Variants in VEZT observed in about 807,000 individuals in gnomAD.
VEZT encodes vezatin, adherens junctions transmembrane protein, also known as vezatin.
A neutral mutation model predicts 79.9 loss-of-function variants in VEZT; 39 were observed. The ratio of observed to expected loss-of-function variants is 0.49; its 90% CI spans 0.38 to 0.64. The LOEUF (loss-of-function observed/expected upper bound fraction) is 0.64. Ranked by LOEUF, VEZT falls within the 30% of genes least tolerant of loss-of-function variation. The pLI is 0.00. For missense variants in VEZT, 837 were observed against 893.1 expected (o/e 0.94, Z 0.80); for synonymous variants, 325 against 327.6 (o/e 0.99, Z 0.09).
chr12:95,225,679 C>T (rs2058332208), intron 1 of VEZT, among the ~76,000 whole-genome samples: 1 of 148,522 alleles, frequency 6.7e-6, no homozygotes, highest in South Asian at 2.1e-4. Flanking sequence ...ACCACACCTG[C>T]AGCTGTGTTA....
chr12:95,270,343 A>C (rs1337169189), intron 6 of VEZT, among the ~76,000 whole-genome samples, 155 bp downstream of exon 6: 1 of 152,232 alleles, frequency 6.6e-6, no homozygotes, highest in African/African-American at 2.4e-5. Context: ...CTGGAAATGC[A>C]TTCCTGGGGG....
chr12:95,277,424 G>C (rs7959433), intron 7 of VEZT, among the ~76,000 whole-genome samples: 16,825 of 151,400 alleles, frequency 0.11, 1,358 homozygotes, highest in African/African-American at 0.23. Context: ...AAACAATCAG[G>C]ATACATAAGT....
chr12:95,292,847 CTTTTT>C (rs1204643991), intron 9 of VEZT, among the ~76,000 whole-genome samples: 1 of 96,478 alleles, frequency 1.0e-5, no homozygotes, highest in Non-Finnish European at 1.9e-5. Context: ...GTACCTGGCC[CTTTTT>C]TTTTTTTTTT....
intron 3 of VEZT, 145 bp from the exon 4 acceptor site, chr12:95,262,761 C>T: frequency 3.1e-6 from 2 of 641,642 alleles, no homozygotes; most frequent in South Asian, 1.0e-4. Context: ...AGCTATCATA[C>T]TGAAGGTAGA....
rs569859841 is a variant in VEZT, at chr12:95,251,077, C to G, written c.37-863C>G. Among the ~76,000 whole-genome samples, 3 of 152,206 alleles carry G rather than the reference C, an allele frequency of 2.0e-5. No individual in the cohort carries two copies. The South Asian group carries it at 6.2e-4, about 32-fold the overall frequency. On this transcript the variant is annotated intron_variant, in intron 1 of 11. Coordinates refer to ENST00000436874, the MANE Select transcript of VEZT (RefSeq NM_017599.4). ...CCAGGCTGGAGTGCAGTGGCGTGAT[C>G]TCGGCTCACTGCAACCTTTGCCTCC... is the stretch of plus-strand genomic sequence containing the variant.
At chr12:95,254,503 C>T (rs1293800637) in intron 2 of VEZT, among the ~76,000 whole-genome samples, 1 of 152,096 alleles carries the variant, frequency 6.6e-6, no homozygotes. Flanking sequence ...CAGGCCACCA[C>T]GCCCAGCCAA....
chr12:95,224,557 C>T (rs1198584043), intron 1 of VEZT, among the ~76,000 whole-genome samples: 1 of 152,130 alleles, frequency 6.6e-6, no homozygotes, highest in African/African-American at 2.4e-5. Context: ...TGGGCTTTAC[C>T]ACCTATGAGA....
chr12:95,250,838 T>G (rs1286258075), intron 1 of VEZT, among the ~76,000 whole-genome samples: 1 of 151,944 alleles, frequency 6.6e-6, no homozygotes, highest in Admixed American at 6.6e-5. Context: ...GCTTACTATG[T>G]GGCAAGGACT....
In VEZT at chr12:95,266,543, G is replaced by A. The variant is rs750400254; in HGVS notation, c.621G>A (p.Met207Ile). Reference sequence around the variant, plus strand: ...AATACAGCGTTCATTTGGAAGATATGGCCACAAACAGCCGAGCTTTTACTA... The same window carrying A: ...AATACAGCGTTCATTTGGAAGATATAGCCACAAACAGCCGAGCTTTTACTA... ...LKKYSVHLED[M>I]ATNSRAFTNL... The change falls in exon 5 of 12, where the codon ATG becomes ATA. Residue 207 changes from methionine to isoleucine, a missense_variant. Met to Ile is a conservative substitution (Grantham distance 10). Transcript: ENST00000436874. The A allele has an allele frequency of 5.6e-6, 9 of 1,613,788 alleles. No homozygotes were observed. In the East Asian group the frequency reaches 1.1e-4, roughly 20 times the overall value.
chr12:95,235,456 G>A (rs1214335934), intron 1 of VEZT, among the ~76,000 whole-genome samples: 2 of 137,062 alleles, frequency 1.5e-5, no homozygotes, highest in Non-Finnish European at 3.2e-5. Context: ...GGCTGGCCGG[G>A]CAGAGGGGCT....
intron 9 of VEZT, 66 bp from the exon 10 acceptor site, chr12:95,294,206 G>C: frequency 1.5e-6 from 2 of 1,359,470 alleles, no homozygotes; most frequent in Non-Finnish European, 2.0e-6. Flanking sequence ...TTTTTAATTA[G>C]ATGTTCACTC....
At chr12:95,231,070 T>C (rs1462115283) in intron 1 of VEZT, among the ~76,000 whole-genome samples, 1 of 152,228 alleles carries the variant, frequency 6.6e-6, no homozygotes, top group East Asian at 1.9e-4. Flanking sequence ...TAAAAAATCT[T>C]AAGGTTACTC....
At chr12:95,254,193 A>G (rs1051709557) in intron 2 of VEZT, among the ~76,000 whole-genome samples, 3 of 151,596 alleles carry the variant, frequency 2.0e-5, no homozygotes, top group African/African-American at 4.8e-5. Context: ...ACCACTCACT[A>G]TGTTGCCCAG....
chr12:95,245,390 C>T (rs1170520017), intron 1 of VEZT: 1 of 401,680 alleles, frequency 2.5e-6, no homozygotes, highest in East Asian at 7.2e-5. Flanking sequence ...CAGAGCATAC[C>T]TAGAAAGTAC....
At chr12:95,240,008 GAA>G (rs2060730742) in intron 1 of VEZT, among the ~76,000 whole-genome samples, 1 of 135,818 alleles carries the variant, frequency 7.4e-6, no homozygotes, top group African/African-American at 2.8e-5. Flanking sequence ...GACAGAGAGA[GAA>G]AGAGAGAAAG....
intron 1 of VEZT, chr12:95,231,413 T>C (rs969993626): frequency 3.3e-5 from 5 of 152,120 alleles, no homozygotes; most frequent in Admixed American, 3.3e-4. Flanking sequence ...CAGTGGCCAT[T>C]TTGTACTGTG....
Position 95,274,706 on chromosome 12 carries a change from G to T in VEZT, c.849-36G>T, listed in dbSNP as rs780911005. 7 of 1,580,564 alleles carry T rather than the reference G, an allele frequency of 4.4e-6. No individual in the cohort carries two copies. The South Asian group carries it at 7.1e-5, about 16-fold the overall frequency. ...TTCACTGTATCTTTTATGCTTTCAT[G>T]AAAAGGCTTTGTTGATTGCCTTAAC... On this transcript the variant is annotated intron_variant, in intron 6 of 11. Transcript: ENST00000436874.
rs796773897 is a variant in VEZT, at chr12:95,302,473, T to C, written c.*1800T>C. ...TTGTTACATAATCCAGTGAAAACTC[T>C]ACTTGTTGAAATTATGACATAAAGA... is the stretch of plus-strand genomic sequence containing the variant. On this transcript the variant is annotated 3_prime_UTR_variant, in exon 12 of 12. Coordinates refer to ENST00000436874, the MANE Select transcript of VEZT (RefSeq NM_017599.4). 1.5e-4 allele frequency: 23 copies of C among 152,330 alleles called. No homozygotes were observed. Among genetic ancestry groups the C allele is most frequent in the African/African-American group, 5.0e-4 (21 of 41,596 alleles). The allele number at this position is 152,330 out of a possible 1,614,324, so 9.4% of individuals were successfully genotyped here. A position where few individuals can be genotyped will look rare whatever the true frequency, so the allele number is the denominator to read the frequency against.
At chr12:95,223,890 T>G (rs889273203) in intron 1 of VEZT, among the ~76,000 whole-genome samples, 1 of 152,206 alleles carries the variant, frequency 6.6e-6, no homozygotes, top group Non-Finnish European at 1.5e-5. Flanking sequence ...ATTTTTGTTC[T>G]GTTTTTTTTA....
Sources: allele counts gnomAD v4.1 joint callset (sites outside exome capture counted in the v4.1 genomes callset), GRCh38; gene constraint gnomAD v4.1.1; transcripts MANE v1.5; gene names NCBI Gene and HGNC (gene_info 2026-07-23, HGNC 2026-07-21).